KIRREL3: variants seen among roughly 807,000 people sequenced by gnomAD.
The protein encoded by KIRREL3 is kin of IRRE-like protein 3.
A neutral mutation model predicts 89.7 loss-of-function variants in KIRREL3; 36 were observed. The observed-to-expected ratio is 0.40, with a 90% CI of 0.31 to 0.53. The LOEUF (loss-of-function observed/expected upper bound fraction) is 0.53. Among genes scored for constraint, KIRREL3 ranks in the 20% least tolerant of loss-of-function variants. KIRREL3 has a pLI of 0.49. For synonymous variants in KIRREL3, 445 were observed against 441.4 expected (o/e 1.01, Z -0.10); for missense variants, 864 against 1,056.6 (o/e 0.82, Z 2.53).
rs768729881 is a variant in KIRREL3, at chr11:126,553,318, G to T, written c.133+9517C>A. Among the ~76,000 whole-genome samples, 1 of 152,038 alleles carries T rather than the reference G, an allele frequency of 6.6e-6. No individual in the cohort carries two copies. Among genetic ancestry groups the T allele is most frequent in the African/African-American group, 2.4e-5 (1 of 41,368 alleles). ...TTCTATCTTCTACTGAGTAAGGAAA[G>T]CCCACTCCAGAGTCAGTGTCTATTC... On this transcript the variant is annotated intron_variant, in intron 2 of 16. Transcript: ENST00000525144. This position sits in a 1 kb window ranked among gnomAD's most constrained non-coding sequence, Gnocchi z 4.7.
intron 1 of KIRREL3, among the ~76,000 whole-genome samples, chr11:126,707,278 A>G (rs1226054140): frequency 2.9e-5 from 4 of 140,226 alleles, no homozygotes; most frequent in South Asian, 4.5e-4. Context: ...TTTTGACTGT[A>G]CATACATCAC....
intron 1 of KIRREL3, among the ~76,000 whole-genome samples, chr11:126,957,357 G>A (rs1450336580): frequency 6.6e-6 from 1 of 152,136 alleles, no homozygotes; most frequent in Non-Finnish European, 1.5e-5. Flanking sequence ...TATCTTACTT[G>A]GGCAGGTTGG....
intron 1 of KIRREL3, among the ~76,000 whole-genome samples, chr11:126,593,920 C>A (rs1240466897): frequency 1.3e-5 from 2 of 152,166 alleles, no homozygotes; most frequent in Non-Finnish European, 2.9e-5. Flanking sequence ...ACAACTGTCC[C>A]CCTCCACCCA....
In KIRREL3 at chr11:126,772,944, T is replaced by C. The variant is rs1375688415; in HGVS notation, c.56-210032A>G. The stretch of plus-strand genomic sequence containing the variant: ...TCAGGACTGAGGTCCTGGGGTTCTG[T>C]CATGTGGACTAAGGTAGGGGTGAGC... On this transcript the variant is annotated intron_variant, in intron 1 of 16. Transcript: ENST00000525144. The surrounding 1 kb of genome is among the most constrained non-coding windows in gnomAD (Gnocchi z 4.6). Among the ~76,000 whole-genome samples, 1 of 152,178 alleles carries C rather than the reference T, an allele frequency of 6.6e-6. No homozygotes were observed. Among genetic ancestry groups the C allele is most frequent in the African/African-American group, 2.4e-5 (1 of 41,432 alleles).
chr11:126,564,317 C>T lies in KIRREL3; in HGVS notation c.56-1405G>A, dbSNP rs1940354414. Among the ~76,000 whole-genome samples the T allele has an allele frequency of 6.6e-6, 1 of 152,206 alleles. No individual in the cohort carries two copies. Among genetic ancestry groups the T allele is most frequent in the African/African-American group, 2.4e-5 (1 of 41,446 alleles). On this transcript the variant is annotated intron_variant, in intron 1 of 16. Coordinates refer to ENST00000525144, the MANE Select transcript of KIRREL3 (RefSeq NM_032531.4). This position sits in a 1 kb window ranked among gnomAD's most constrained non-coding sequence, Gnocchi z 7.4. ...CTGCAGCCCAGGTCCACCCACCAAG[C>T]ATAGCAGGATGAAAGAGAGTGCAGG...
rs939465284 is a variant in KIRREL3 at position 127,000,014 on chromosome 11, C to A, written c.55+441G>T. Among the ~76,000 whole-genome samples, 1 of 152,080 alleles carries A rather than the reference C, an allele frequency of 6.6e-6. No homozygotes were observed. Among genetic ancestry groups the A allele is most frequent in the African/African-American group, 2.4e-5 (1 of 41,398 alleles). ...ACATTCGCTTTTGAATACACTTGTG[C>A]AAGTCAAACCCTATTCAAGCTGAAA... On this transcript the variant is annotated intron_variant, in intron 1 of 16. Coordinates refer to ENST00000525144, the MANE Select transcript of KIRREL3 (RefSeq NM_032531.4). This position sits in a 1 kb window ranked among gnomAD's most constrained non-coding sequence, Gnocchi z 7.1.
In KIRREL3 at chr11:126,712,284, T is replaced by TGTGC. The variant is rs1368374044; in HGVS notation, c.56-149373_56-149372insGCAC. ...GGGCGAGTGTGTGTGTGTGTGTGTG[T>TGTGC]GCGCGCGTGCATGCATTTTGGGGGG... On this transcript the variant is annotated intron_variant, in intron 1 of 16. Transcript: ENST00000525144. 4.6e-5 allele frequency among the ~76,000 whole-genome samples: 7 copies of TGTGC among 151,648 alleles called. No homozygotes were observed. The South Asian group carries it at 8.4e-4, about 18-fold the overall frequency.
Position 126,796,329 on chromosome 11 carries a change from T to C in KIRREL3, c.55+204126A>G, listed in dbSNP as rs1950809776. Among the ~76,000 whole-genome samples the C allele has an allele frequency of 6.6e-6, 1 of 152,172 alleles. No homozygotes were observed. The highest frequency in any genetic ancestry group is 1.5e-5 in the Non-Finnish European group (1 of 68,028). ...GTTCCCTGGCTTGCTGATCCCAGAC[T>C]GGGCTGACCCAGGGCATCAGGGCTG... is the stretch of plus-strand genomic sequence containing the variant. On this transcript the variant is annotated intron_variant, in intron 1 of 16. Coordinates refer to ENST00000525144, the MANE Select transcript of KIRREL3 (RefSeq NM_032531.4). The surrounding 1 kb of genome is among the most constrained non-coding windows in gnomAD (Gnocchi z 5.1).
intron 1 of KIRREL3, among the ~76,000 whole-genome samples, chr11:126,878,686 AGG>A: frequency 6.6e-6 from 1 of 152,132 alleles, no homozygotes; most frequent in East Asian, 1.9e-4. Flanking sequence ...TAGTAATTTG[AGG>A]CACAGATGAA....
rs376844892 is a variant in KIRREL3, at chr11:126,754,738, G to A, written c.56-191826C>T. On this transcript the variant is annotated intron_variant, in intron 1 of 16. Transcript: ENST00000525144. The surrounding 1 kb of genome is among the most constrained non-coding windows in gnomAD (Gnocchi z 5.1). ...CCGTCTAAGTGCAGGTCTTGATTAAGGCTTTGGGTCTACAGGTTGGAAGGA... is the reference window on the plus strand; with the variant it reads ...CCGTCTAAGTGCAGGTCTTGATTAAAGCTTTGGGTCTACAGGTTGGAAGGA... Among the ~76,000 whole-genome samples the A allele has an allele frequency of 2.0e-5, 3 of 152,140 alleles. No homozygotes were observed. The highest frequency in any genetic ancestry group is 6.5e-5 in the Admixed American group (1 of 15,274).
At chr11:126,871,943 G>C (rs1945123497) in intron 1 of KIRREL3, among the ~76,000 whole-genome samples, 1 of 152,148 alleles carries the variant, frequency 6.6e-6, no homozygotes, top group African/African-American at 2.4e-5. Flanking sequence ...GGTGTGACTG[G>C]AGTGACTCAG....
Position 126,898,478 on chromosome 11 carries a change from A to G in KIRREL3, c.55+101977T>C. Among the ~76,000 whole-genome samples, 1 of 152,260 alleles carries G rather than the reference A, an allele frequency of 6.6e-6. No homozygotes were observed. Among genetic ancestry groups the G allele is most frequent in the Non-Finnish European group, 1.5e-5 (1 of 68,042 alleles). On this transcript the variant is annotated intron_variant, in intron 1 of 16. Coordinates refer to ENST00000525144, the MANE Select transcript of KIRREL3 (RefSeq NM_032531.4). The surrounding 1 kb of genome is among the most constrained non-coding windows in gnomAD (Gnocchi z 4.9). Reference sequence around the variant, plus strand: ...AAGAAACCTGGAGATGCAACAAAACAGAATGGATAATGAAATTTTGTGAAT... The same window carrying G: ...AAGAAACCTGGAGATGCAACAAAACGGAATGGATAATGAAATTTTGTGAAT...
At chr11:126,925,848 C>T (rs1266724964) in intron 1 of KIRREL3, among the ~76,000 whole-genome samples, 6 of 151,824 alleles carry the variant, frequency 4.0e-5, no homozygotes, top group Non-Finnish European at 8.8e-5. Context: ...CCGCATGTCC[C>T]CAGGCACTCC....
chr11:126,500,819 G>C (rs1215514616), intron 4 of KIRREL3, among the ~76,000 whole-genome samples: 3 of 151,872 alleles, frequency 2.0e-5, no homozygotes, highest in Admixed American at 6.6e-5. Flanking sequence ...GCTGATACCA[G>C]ATCAGCATAC....
In KIRREL3 at chr11:126,791,036, T is replaced by C. The variant is rs775916180; in HGVS notation, c.55+209419A>G. 2.2e-4 allele frequency among the ~76,000 whole-genome samples: 33 copies of C among 152,330 alleles called. No individual in the cohort carries two copies. The highest frequency in any genetic ancestry group is 4.1e-4 in the Non-Finnish European group (28 of 68,034). On this transcript the variant is annotated intron_variant, in intron 1 of 16. Transcript: ENST00000525144. The surrounding 1 kb of genome is among the most constrained non-coding windows in gnomAD (Gnocchi z 4.8). ...TTGTCGATGAGAATGCAAATGAGCA[T>C]GATGTCACTTCTTAGCTTTGGGAGG...
In KIRREL3 at chr11:126,876,953, A is replaced by G. The variant is rs1945313823; in HGVS notation, c.55+123502T>C. Among the ~76,000 whole-genome samples the G allele has an allele frequency of 6.6e-6, 1 of 152,212 alleles. No homozygotes were observed. Among genetic ancestry groups the G allele is most frequent in the South Asian group, 2.1e-4 (1 of 4,832 alleles). Reference sequence around the variant, plus strand: ...TATAAGACAGACTATCACTGAACTCATAAAAAAAGAGTTATATTACTGGGC... The same window carrying G: ...TATAAGACAGACTATCACTGAACTCGTAAAAAAAGAGTTATATTACTGGGC... On this transcript the variant is annotated intron_variant, in intron 1 of 16. Coordinates refer to ENST00000525144, the MANE Select transcript of KIRREL3 (RefSeq NM_032531.4). This position sits in a 1 kb window ranked among gnomAD's most constrained non-coding sequence, Gnocchi z 4.1.
chr11:126,918,050 T>C lies in KIRREL3; in HGVS notation c.55+82405A>G, dbSNP rs1947110447. ...TTACTGCTGCCTGGGAAACTGGTTTTGTGCATTCTCAGAAATACGAGATTG... is the reference window on the plus strand; with the variant it reads ...TTACTGCTGCCTGGGAAACTGGTTTCGTGCATTCTCAGAAATACGAGATTG... On this transcript the variant is annotated intron_variant, in intron 1 of 16. Transcript: ENST00000525144. This position sits in a 1 kb window ranked among gnomAD's most constrained non-coding sequence, Gnocchi z 6.5. 6.6e-6 allele frequency among the ~76,000 whole-genome samples: 1 copy of C among 152,198 alleles called. No homozygotes were observed. Among genetic ancestry groups the C allele is most frequent in the Non-Finnish European group, 1.5e-5 (1 of 68,042 alleles).
chr11:126,527,839 C>T lies in KIRREL3; in HGVS notation c.134-1152G>A, dbSNP rs889916623. Reference sequence around the variant, plus strand: ...ACTGAGCTATGCTGTGTGCAGATCCCCAAGCCTGGCCTTGGAGGGAGTTGC... The same window carrying T: ...ACTGAGCTATGCTGTGTGCAGATCCTCAAGCCTGGCCTTGGAGGGAGTTGC... On this transcript the variant is annotated intron_variant, in intron 2 of 16. Coordinates refer to ENST00000525144, the MANE Select transcript of KIRREL3 (RefSeq NM_032531.4). The surrounding 1 kb of genome is among the most constrained non-coding windows in gnomAD (Gnocchi z 4.2). Among the ~76,000 whole-genome samples the T allele has an allele frequency of 2.0e-5, 3 of 152,120 alleles. No homozygotes were observed. The highest frequency in any genetic ancestry group is 7.2e-5 in the African/African-American group (3 of 41,410).
intron 1 of KIRREL3, among the ~76,000 whole-genome samples, chr11:126,831,435 T>TTCTCTCTCTCTCTCTCTCTC (rs5795530): frequency 6.0e-5 from 9 of 149,914 alleles, no homozygotes; most frequent in African/African-American, 1.2e-4. Context: ...CTCTCTCTCT[T>TTCTCTCTCTCTCTCTCTCTC]TCTCTCTCTC....
Sources: allele counts gnomAD v4.1 joint callset (sites outside exome capture counted in the v4.1 genomes callset), GRCh38; gene constraint gnomAD v4.1.1; non-coding constraint Gnocchi (gnomAD v3.1); transcripts MANE v1.5; gene names NCBI Gene and HGNC (gene_info 2026-07-23, HGNC 2026-07-21).